ATF2: variants seen among roughly 807,000 people sequenced by gnomAD.
The protein encoded by ATF2 is activating transcription factor 2.
A neutral mutation model predicts 60.6 loss-of-function variants in ATF2; 24 were observed. The ratio of observed to expected loss-of-function variants is 0.40; its 90% CI spans 0.29 to 0.56. The LOEUF is 0.56. ATF2 is among the 20% of genes least tolerant of loss of function. ATF2 has a pLI of 0.54. For missense variants in ATF2, 433 were observed against 607.7 expected (o/e 0.71, Z 3.02); for synonymous variants, 206 against 215.4 (o/e 0.96, Z 0.38).
intron 12 of ATF2, among the ~76,000 whole-genome samples, chr2:175,084,308 C>T (rs1369476000): frequency 6.6e-6 from 1 of 151,906 alleles, no homozygotes; most frequent in Admixed American, 6.6e-5. Flanking sequence ...GAATACTATG[C>T]AGCCATAAAA....
At chr2:175,089,599 G>A (rs80100686) in intron 12 of ATF2, among the ~76,000 whole-genome samples, 5,206 of 152,112 alleles carry the variant, frequency 0.034, 295 homozygotes, top group African/African-American at 0.12. Flanking sequence ...CACAGTTAAC[G>A]GTTTTGCTGT....
chr2:175,161,886 G>C (rs908225049), intron 1 of ATF2, among the ~76,000 whole-genome samples: 1 of 151,766 alleles, frequency 6.6e-6, no homozygotes, highest in Non-Finnish European at 1.5e-5. Context: ...TCAGTCTCCC[G>C]AGTAGCTGAG....
Position 175,074,729 on chromosome 2 carries a change from G to T in ATF2, c.1398C>A (p.Thr466=). Residue 466 remains threonine (T), a synonymous_variant, in exon 14 of 14, where the codon ACC becomes ACA. Transcript: ENST00000264110. ...SVSTSNGVSS[T]SKAEAVATSV... is the part of the protein sequence containing the mutation. ...AAGTGGCTACAGCTTCTGCCTTGGA[G>T]GTTGAACTGACTCCATTGGATGTGC... The T allele has an allele frequency of 6.2e-7, 1 of 1,613,500 alleles. No individual in the cohort carries two copies. Among genetic ancestry groups the T allele is most frequent in the Non-Finnish European group, 8.5e-7 (1 of 1,179,712 alleles).
intron 13 of ATF2, among the ~76,000 whole-genome samples, chr2:175,078,481 T>C (rs1468874984): frequency 6.6e-6 from 1 of 152,154 alleles, no homozygotes; most frequent in Non-Finnish European, 1.5e-5. Flanking sequence ...TTCATTCAGG[T>C]TTTATATTAC....
chr2:175,073,495 ACACT>A lies in ATF2; in HGVS notation c.*1110_*1113del, dbSNP rs1039195111. On this transcript the variant is annotated 3_prime_UTR_variant, in exon 14 of 14. Coordinates refer to ENST00000264110, the MANE Select transcript of ATF2 (RefSeq NM_001880.4). ...CGCGCACACACACACAGATACACAC[ACACT>A]CTCTCTCATTCATGCACACTTCCCA... The A allele has an allele frequency of 2.6e-5, 4 of 152,160 alleles. No individual in the cohort carries two copies. Among genetic ancestry groups the A allele is most frequent in the Admixed American group, 2.0e-4 (3 of 15,246 alleles). The allele number at this position is 152,160 out of a possible 1,614,324, so 9.4% of individuals were successfully genotyped here. A position where few individuals can be genotyped will look rare whatever the true frequency, so the allele number is the denominator to read the frequency against.
intron 7 of ATF2, among the ~76,000 whole-genome samples, chr2:175,115,657 A>G (rs1404779977): frequency 6.6e-6 from 1 of 152,208 alleles, no homozygotes; most frequent in African/African-American, 2.4e-5. Flanking sequence ...CTACATAGGA[A>G]GAAGGATAAA....
At chr2:175,078,836 A>C (rs1693557865) in intron 13 of ATF2, among the ~76,000 whole-genome samples, 1 of 152,180 alleles carries the variant, frequency 6.6e-6, no homozygotes, top group Non-Finnish European at 1.5e-5. Flanking sequence ...CTTATTTCAA[A>C]GATTTCAAAC....
At chr2:175,098,621 A>G (rs974795798) in intron 10 of ATF2, among the ~76,000 whole-genome samples, 1 of 152,196 alleles carries the variant, frequency 6.6e-6, no homozygotes, top group Non-Finnish European at 1.5e-5. Flanking sequence ...TTAGAAATAC[A>G]TAACTGTCTG....
At chr2:175,113,895 G>C (rs1299493352) in intron 9 of ATF2, 99 bp downstream of exon 9, 2 of 1,005,564 alleles carry the variant, frequency 2.0e-6, no homozygotes, top group African/African-American at 3.3e-5. Context: ...TCAATATTAT[G>C]TTAAATTCAA....
intron 12 of ATF2, among the ~76,000 whole-genome samples, chr2:175,090,526 G>T (rs1453024646): frequency 6.6e-6 from 1 of 151,892 alleles, no homozygotes; most frequent in Non-Finnish European, 1.5e-5. Flanking sequence ...GAGAAGTATT[G>T]TAAGTAAAAT....
intron 1 of ATF2, among the ~76,000 whole-genome samples, chr2:175,164,946 T>C (rs1700255257): frequency 6.6e-6 from 1 of 152,232 alleles, no homozygotes; most frequent in Non-Finnish European, 1.5e-5. Context: ...AGCCTCCTGC[T>C]CCTAGGTGCT....
chr2:175,117,681 G>C (rs1433209960), intron 7 of ATF2, among the ~76,000 whole-genome samples: 3 of 151,938 alleles, frequency 2.0e-5, no homozygotes, highest in Admixed American at 6.6e-5. Flanking sequence ...TAATTAAGCT[G>C]TTACTGTATA....
chr2:175,106,323 G>A (rs573053944), intron 10 of ATF2, among the ~76,000 whole-genome samples: 5 of 152,094 alleles, frequency 3.3e-5, no homozygotes, highest in African/African-American at 4.8e-5. Flanking sequence ...CTTAGGTCAG[G>A]AGTTTGAGAC....
At chr2:175,167,827 G>A (rs947886588) in intron 1 of ATF2, 1 of 426,920 alleles carries the variant, frequency 2.3e-6, no homozygotes, top group African/African-American at 2.0e-5. Context: ...TTACCTAACG[G>A]TCCGGCCCAG....
chr2:175,132,552 A>G (rs547298810), intron 3 of ATF2: 2 of 152,334 alleles, frequency 1.3e-5, no homozygotes, highest in South Asian at 4.1e-4. Flanking sequence ...GATGTTTACA[A>G]TCTATGTCAT....
intron 10 of ATF2, among the ~76,000 whole-genome samples, chr2:175,105,933 G>A (rs75443130): frequency 2.6e-5 from 4 of 152,036 alleles, no homozygotes; most frequent in Non-Finnish European, 5.9e-5. Context: ...AATTAAAAAA[G>A]TAATGACAAT....
chr2:175,146,711 T>C lies in ATF2; in HGVS notation c.-44+4349A>G, dbSNP rs953963429. 4.6e-5 allele frequency among the ~76,000 whole-genome samples: 7 copies of C among 152,314 alleles called. No homozygotes were observed. In the East Asian group the frequency reaches 1.2e-3, roughly 25 times the overall value. The stretch of plus-strand genomic sequence containing the variant: ...TTTTAAATAGAGTGATGAAATCGCA[T>C]CTTCTTGCTCCATCCCACCTGAGAT... On this transcript the variant is annotated intron_variant, in intron 2 of 13. Transcript: ENST00000264110.
intron 11 of ATF2, among the ~76,000 whole-genome samples, 155 bp downstream of exon 11, chr2:175,097,289 T>C (rs1694994807): frequency 6.6e-6 from 1 of 152,244 alleles, no homozygotes; most frequent in Non-Finnish European, 1.5e-5. Context: ...TTTGTATCAA[T>C]ACTTGTATAC....
chr2:175,124,054 G>A (rs1245874583), intron 4 of ATF2, among the ~76,000 whole-genome samples: 1 of 140,744 alleles, frequency 7.1e-6, no homozygotes, highest in Non-Finnish European at 1.5e-5. Flanking sequence ...TTTTTTTACA[G>A]AATCTATATG....
Sources: allele counts gnomAD v4.1 joint callset (sites outside exome capture counted in the v4.1 genomes callset), GRCh38; gene constraint gnomAD v4.1.1; transcripts MANE v1.5; gene names NCBI Gene and HGNC (gene_info 2026-07-23, HGNC 2026-07-21).